Variants in MYRFL observed in about 807,000 individuals in gnomAD.
MYRFL encodes the protein myelin regulatory factor-like protein.
Under a neutral mutation model 109.4 loss-of-function variants are expected in MYRFL, and 88 were observed. The observed-to-expected ratio is 0.80, with a 90% CI of 0.68 to 0.96. MYRFL has a LOEUF of 0.96. Among genes scored for constraint, MYRFL ranks in the 40% least tolerant of loss-of-function variants. The pLI is 0.00. For synonymous variants in MYRFL, 324 were observed against 320.9 expected (o/e 1.01, Z -0.10); for missense variants, 957 against 954.9 (o/e 1.00, Z -0.03).
In MYRFL at chr12:69,843,008, A is replaced by G. The variant is rs1883334019; in HGVS notation, c.47-12272A>G. Among the ~76,000 whole-genome samples, 5 of 152,216 alleles carry G rather than the reference A, an allele frequency of 3.3e-5. No homozygotes were observed. In the South Asian group the frequency reaches 1.0e-3, roughly 32 times the overall value. ...GAATAAAGCAATTAGTTAATTAATG[A>G]TTGGTAATATCTCTAAGAAAATGTC... is the stretch of plus-strand genomic sequence containing the variant. On this transcript the variant is annotated intron_variant, in intron 1 of 24. Transcript: ENST00000552032.
intron 1 of MYRFL, among the ~76,000 whole-genome samples, chr12:69,834,350 T>G (rs1006592652): frequency 2.6e-5 from 4 of 152,204 alleles, no homozygotes; most frequent in African/African-American, 9.6e-5. Flanking sequence ...AAGCTACCAA[T>G]AGCTCAACTA....
At chr12:69,949,603 A>G (rs1212276685) in intron 19 of MYRFL, among the ~76,000 whole-genome samples, 3 of 151,792 alleles carry the variant, frequency 2.0e-5, no homozygotes, top group South Asian at 2.1e-4. Context: ...AATGTGGCCC[A>G]GCACAAATTT....
At chr12:69,852,799 G>A (rs1006532355) in intron 1 of MYRFL, among the ~76,000 whole-genome samples, 2 of 151,770 alleles carry the variant, frequency 1.3e-5, no homozygotes, top group East Asian at 1.9e-4. Context: ...CTTAACGAGC[G>A]TGCTGCCTTC....
chr12:69,840,175 C>T (rs550410375), intron 1 of MYRFL, among the ~76,000 whole-genome samples: 1 of 152,300 alleles, frequency 6.6e-6, no homozygotes, highest in Non-Finnish European at 1.5e-5. Context: ...TAGAGTCTGA[C>T]GCTTTCTACT....
intron 21 of MYRFL, among the ~76,000 whole-genome samples, chr12:69,954,400 T>C (rs76783209): frequency 0.01 from 1,597 of 152,350 alleles, 11 homozygotes; most frequent in Non-Finnish European, 0.017. Context: ...TTTTAAAAAG[T>C]ACATTGATTC....
At chr12:69,846,104 A>ATT (rs1883517664) in intron 1 of MYRFL, among the ~76,000 whole-genome samples, 5 of 52,294 alleles carry the variant, frequency 9.6e-5, no homozygotes, top group Admixed American at 2.7e-4. Context: ...GCTATTGACT[A>ATT]TCTTTTTTTT....
At chr12:69,846,106 CTTTTTTT>C (rs60251292) in intron 1 of MYRFL, among the ~76,000 whole-genome samples, 3 of 61,732 alleles carry the variant, frequency 4.9e-5, no homozygotes, top group East Asian at 7.2e-4. Flanking sequence ...TATTGACTAT[CTTTTTTT>C]TTTTTTTTTT....
chr12:69,913,713 T>G (rs1356447367), intron 13 of MYRFL, among the ~76,000 whole-genome samples: 1 of 152,232 alleles, frequency 6.6e-6, no homozygotes, highest in Non-Finnish European at 1.5e-5. Context: ...GTAGTAAGTT[T>G]TGAAATCAGG....
chr12:69,866,893 G>A (rs893746639), intron 2 of MYRFL, among the ~76,000 whole-genome samples: 3 of 152,212 alleles, frequency 2.0e-5, no homozygotes, highest in Non-Finnish European at 4.4e-5. Flanking sequence ...TTACATGAGT[G>A]TTTTTACTGC....
intron 2 of MYRFL, among the ~76,000 whole-genome samples, chr12:69,875,345 T>C (rs1885596823): frequency 6.6e-6 from 1 of 152,138 alleles, no homozygotes; most frequent in African/African-American, 2.4e-5. Context: ...TATTTGTAGT[T>C]TTGATTTCTT....
At chr12:69,826,868 G>A (rs1873991) in intron 1 of MYRFL, among the ~76,000 whole-genome samples, 128,418 of 152,028 alleles carry the variant, frequency 0.84, 55,271 homozygotes, top group Non-Finnish European at 0.92. Flanking sequence ...AATATTGAGC[G>A]CCTACTCTGA....
chr12:69,897,252 C>T lies in MYRFL; in HGVS notation c.1182+6C>T. On this transcript the variant is annotated splice_donor_region_variant and intron_variant, in intron 10 of 24. Coordinates refer to ENST00000552032, the MANE Select transcript of MYRFL (RefSeq NM_182530.3). ...CTGAAAGGATCATTGTAAGGGTAAG[C>T]TCAGTTCTCTGACTTTTCTGGATCT... 7 of 1,533,718 alleles carry T rather than the reference C, an allele frequency of 4.6e-6. No individual in the cohort carries two copies. Among genetic ancestry groups the T allele is most frequent in the Non-Finnish European group, 5.2e-6 (6 of 1,144,782 alleles).
intron 19 of MYRFL, among the ~76,000 whole-genome samples, chr12:69,950,033 G>C (rs1955937295): frequency 6.6e-6 from 1 of 152,098 alleles, no homozygotes; most frequent in Admixed American, 6.5e-5. Context: ...TTATCCTTCA[G>C]TGCAAAAATA....
intron 13 of MYRFL, among the ~76,000 whole-genome samples, chr12:69,919,072 T>C (rs1954829641): frequency 6.6e-6 from 1 of 152,200 alleles, no homozygotes; most frequent in Admixed American, 6.5e-5. Context: ...TCTAATTGTC[T>C]TATCCCTGCA....
At chr12:69,825,908 A>G (rs755413448) in intron 1 of MYRFL, among the ~76,000 whole-genome samples, 2 of 152,006 alleles carry the variant, frequency 1.3e-5, no homozygotes, top group Admixed American at 6.6e-5. Context: ...CTCAAATTCC[A>G]TGTGAAGGGA....
intron 13 of MYRFL, among the ~76,000 whole-genome samples, chr12:69,924,800 G>T (rs750789085): frequency 2.0e-5 from 3 of 151,934 alleles, no homozygotes; most frequent in Non-Finnish European, 4.4e-5. Context: ...TGTTTTTTTG[G>T]TAAGTTTTCT....
intron 19 of MYRFL, 99 bp downstream of exon 19, chr12:69,936,731 G>A (rs1424635879): frequency 9.9e-6 from 11 of 1,113,876 alleles, no homozygotes; most frequent in South Asian, 2.1e-5. Context: ...CCAGATAATG[G>A]TTCCATGCTT....
At chr12:69,919,696 C>A (rs532653665) in intron 13 of MYRFL, among the ~76,000 whole-genome samples, 2 of 152,320 alleles carry the variant, frequency 1.3e-5, no homozygotes, top group African/African-American at 4.8e-5. Context: ...AAAGCCCAAA[C>A]AATTGCCAGA....
At chr12:69,916,287 C>T (rs7977599) in intron 13 of MYRFL, among the ~76,000 whole-genome samples, 24,257 of 151,904 alleles carry the variant, frequency 0.16, 2,290 homozygotes, top group Non-Finnish European at 0.22. Flanking sequence ...ACTACATCAG[C>T]TCAGAGGAAG....
Sources: allele counts gnomAD v4.1 joint callset (sites outside exome capture counted in the v4.1 genomes callset), GRCh38; gene constraint gnomAD v4.1.1; transcripts MANE v1.5; gene names NCBI Gene and HGNC (gene_info 2026-07-23, HGNC 2026-07-21).